The following GRIK1 variants were observed in gnomAD, a reference collection of about 807,000 sequenced individuals.
GRIK1 encodes the protein glutamate ionotropic receptor kainate type subunit 1.
Under a neutral mutation model 105.7 loss-of-function variants are expected in GRIK1, and 69 were observed. That is an observed-to-expected ratio of 0.65 (90% CI 0.54 to 0.80). The LOEUF (loss-of-function observed/expected upper bound fraction) is 0.80. Ranked by LOEUF, GRIK1 falls within the 30% of genes least tolerant of loss-of-function variation. GRIK1 has a pLI of 0.00. For missense variants in GRIK1, 1,109 were observed against 1,167.3 expected, an observed-to-expected ratio of 0.95 and a Z score of 0.73; for synonymous variants, 438 against 431.3, an observed-to-expected ratio of 1.02 and a Z score of -0.19.
At chr21:29,930,142 C>T (rs1199376906) in intron 1 of GRIK1, among the ~76,000 whole-genome samples, 1 of 152,110 alleles carries the variant, frequency 6.6e-6, no homozygotes, top group African/African-American at 2.4e-5. Flanking sequence ...ATGGAAACAG[C>T]CTTAGGGTTC....
chr21:29,762,525 T>C (rs1021139834), intron 1 of GRIK1, among the ~76,000 whole-genome samples: 3 of 152,242 alleles, frequency 2.0e-5, no homozygotes, highest in Non-Finnish European at 4.4e-5. Flanking sequence ...CTATTCTAAT[T>C]TCACTAGAAT....
chr21:29,816,273 T>C (rs770214925), intron 1 of GRIK1, among the ~76,000 whole-genome samples: 1 of 152,090 alleles, frequency 6.6e-6, no homozygotes, highest in Non-Finnish European at 1.5e-5. Context: ...TTAGAATGGC[T>C]ATCATCAAAA....
rs3216549 is a variant in GRIK1 at position 29,713,205 on chromosome 21, T to TA, written c.119-19143dup. ...GGAGATGCAGAGAGCAGCAGAGATC[T>TA]AAAAAAAAAATTCTTAATGGGATTC... On this transcript the variant is annotated intron_variant, in intron 1 of 17. Coordinates refer to ENST00000327783, the MANE Select transcript of GRIK1 (RefSeq NM_001330994.2). 1.8e-3 allele frequency among the ~76,000 whole-genome samples: 276 copies of TA among 150,454 alleles called. 2 individuals are homozygous for TA. Among genetic ancestry groups the TA allele is most frequent in the Non-Finnish European group, 7.0e-4 (47 of 67,408 alleles).
intron 6 of GRIK1, among the ~76,000 whole-genome samples, chr21:29,647,036 A>G (rs1322999046): frequency 1.3e-5 from 2 of 151,750 alleles, no homozygotes; most frequent in East Asian, 1.9e-4. Context: ...AGTAGAGACA[A>G]AGTTTCACCA....
At chr21:29,776,939 A>G (rs1286730071) in intron 1 of GRIK1, among the ~76,000 whole-genome samples, 1 of 152,196 alleles carries the variant, frequency 6.6e-6, no homozygotes. Context: ...CTGTCTACCG[A>G]GGATGTCAGA....
At chr21:29,683,127 A>C (rs2063414499) in intron 3 of GRIK1, among the ~76,000 whole-genome samples, 1 of 152,162 alleles carries the variant, frequency 6.6e-6, no homozygotes, top group African/African-American at 2.4e-5. Context: ...AAGTCAAAAG[A>C]CACAGATGTT....
chr21:29,834,949 T>C (rs988869413), intron 1 of GRIK1, among the ~76,000 whole-genome samples: 10 of 151,902 alleles, frequency 6.6e-5, no homozygotes, highest in African/African-American at 2.4e-4. Context: ...TTACTTTCTC[T>C]TTCTCTGGTC....
intron 1 of GRIK1, among the ~76,000 whole-genome samples, chr21:29,892,715 A>G (rs147378555): frequency 2.6e-5 from 4 of 152,364 alleles, no homozygotes; most frequent in African/African-American, 9.6e-5. Context: ...CTATGCCCTT[A>G]GAGAAATCAG....
chr21:29,901,766 A>T (rs182308025), intron 1 of GRIK1, among the ~76,000 whole-genome samples: 13 of 152,362 alleles, frequency 8.5e-5, no homozygotes, highest in African/African-American at 3.1e-4. Context: ...ATCAATAGAA[A>T]AAAGAGGGAA....
chr21:29,772,216 A>G (rs1002350054), intron 1 of GRIK1, among the ~76,000 whole-genome samples: 2 of 152,214 alleles, frequency 1.3e-5, no homozygotes, highest in African/African-American at 2.4e-5. Flanking sequence ...CTTGGTCCAT[A>G]GGTAAGAAAA....
chr21:29,560,725 C>T (rs895817331), intron 15 of GRIK1, among the ~76,000 whole-genome samples: 1 of 151,330 alleles, frequency 6.6e-6, no homozygotes, highest in Non-Finnish European at 1.5e-5. Flanking sequence ...CCTCAGCCTC[C>T]TGAGTAGCTG....
chr21:29,835,613 C>T (rs1202637654), intron 1 of GRIK1, among the ~76,000 whole-genome samples: 2 of 152,134 alleles, frequency 1.3e-5, no homozygotes, highest in African/African-American at 4.8e-5. Context: ...TTAAAACAGT[C>T]AGTGCAGGGA....
intron 1 of GRIK1, among the ~76,000 whole-genome samples, chr21:29,814,846 G>A (rs1429285477): frequency 6.6e-6 from 1 of 152,036 alleles, no homozygotes; most frequent in Non-Finnish European, 1.5e-5. Context: ...AGGCAAGGAT[G>A]TGTAGAGCCT....
intron 1 of GRIK1, among the ~76,000 whole-genome samples, chr21:29,735,190 A>C (rs1248853988): frequency 6.6e-6 from 1 of 152,218 alleles, no homozygotes; most frequent in Non-Finnish European, 1.5e-5. Flanking sequence ...AGCCTAAAAA[A>C]CTATCTGACA....
chr21:29,799,199 A>G (rs2066638248), intron 1 of GRIK1, among the ~76,000 whole-genome samples: 1 of 152,240 alleles, frequency 6.6e-6, no homozygotes, highest in African/African-American at 2.4e-5. Context: ...CCATCAAAGC[A>G]TTATATTTAA....
At chr21:29,553,113 A>C (rs2090163376) in intron 16 of GRIK1, 1 of 529,708 alleles carries the variant, frequency 1.9e-6, no homozygotes, top group Non-Finnish European at 2.4e-6. Flanking sequence ...GTAGTTTGAA[A>C]ATACGCAGAT....
At chr21:29,722,511 G>T (rs111982721) in intron 1 of GRIK1, among the ~76,000 whole-genome samples, 6,486 of 150,656 alleles carry the variant, frequency 0.043, 210 homozygotes, top group Non-Finnish European at 0.066. Context: ...AGCTGAGATC[G>T]TGCCACTGCA....
intron 16 of GRIK1, among the ~76,000 whole-genome samples, chr21:29,550,242 A>G (rs903676400): frequency 3.9e-5 from 6 of 152,078 alleles, no homozygotes; most frequent in African/African-American, 1.4e-4. Flanking sequence ...TATAGTTTTA[A>G]AACTAATCAT....
At chr21:29,601,916 G>T (rs1182378339) in intron 7 of GRIK1, among the ~76,000 whole-genome samples, 1 of 133,064 alleles carries the variant, frequency 7.5e-6, no homozygotes, top group African/African-American at 2.9e-5. Context: ...GCTCTAATTT[G>T]TTCCAAAACA....
Sources: allele counts gnomAD v4.1 joint callset (sites outside exome capture counted in the v4.1 genomes callset), GRCh38; gene constraint gnomAD v4.1.1; transcripts MANE v1.5; gene names NCBI Gene and HGNC (gene_info 2026-07-23, HGNC 2026-07-21).